The following AGBL1 variants were observed in gnomAD, a reference collection of about 807,000 sequenced individuals.
AGBL1 encodes the protein cytosolic carboxypeptidase 4.
Under a neutral mutation model 118.9 loss-of-function variants are expected in AGBL1, and 130 were observed. That is an observed-to-expected ratio of 1.09 (90% CI 0.95 to 1.26). AGBL1 has a LOEUF of 1.26. Ranked by LOEUF, AGBL1 falls within the 50% of genes most tolerant of loss-of-function variation. AGBL1 has a pLI of 0.00. For missense variants in AGBL1, 1,584 were observed against 1,298.1 expected (o/e 1.22, Z -3.38); for synonymous variants, 555 against 478.9 (o/e 1.16, Z -2.08).
chr15:86,764,187 A>T (rs1172885944), intron 22 of AGBL1, among the ~76,000 whole-genome samples: 1 of 152,022 alleles, frequency 6.6e-6, no homozygotes, highest in Non-Finnish European at 1.5e-5. Context: ...ACCTTACAAT[A>T]TACACGCTTC....
chr15:86,681,627 T>C (rs900282043), intron 22 of AGBL1, among the ~76,000 whole-genome samples: 9 of 152,250 alleles, frequency 5.9e-5, no homozygotes, highest in Non-Finnish European at 1.3e-4. Flanking sequence ...TCATTTTGAA[T>C]CATGAGAGCT....
intron 22 of AGBL1, among the ~76,000 whole-genome samples, chr15:86,858,478 G>GTT (rs2079516923): frequency 6.6e-6 from 1 of 151,784 alleles, no homozygotes; most frequent in Admixed American, 6.6e-5. Context: ...GTGTGTGTGT[G>GTT]TGTGTGTGTG....
At chr15:86,604,749 G>A (rs1203765635) in intron 21 of AGBL1, among the ~76,000 whole-genome samples, 1 of 150,142 alleles carries the variant, frequency 6.7e-6, no homozygotes, top group African/African-American at 2.4e-5. Flanking sequence ...GAATTGCAAT[G>A]ATTGCTATTT....
intron 21 of AGBL1, among the ~76,000 whole-genome samples, chr15:86,634,144 A>G (rs1438420564): frequency 1.3e-5 from 2 of 152,122 alleles, no homozygotes; most frequent in Non-Finnish European, 2.9e-5. Context: ...CACTTTGGAA[A>G]ACAGTGTGGC....
At chr15:86,126,373 C>G (rs1258526992) in intron 1 of AGBL1, among the ~76,000 whole-genome samples, 2 of 152,148 alleles carry the variant, frequency 1.3e-5, no homozygotes, top group African/African-American at 4.8e-5. Context: ...TTATTGACAA[C>G]CAAGAATCCA....
intron 13 of AGBL1, 25 bp downstream of exon 13, chr15:86,267,101 T>C (rs1597653173): frequency 3.3e-6 from 5 of 1,520,800 alleles, no homozygotes; most frequent in African/African-American, 1.4e-5. Flanking sequence ...CCACAGTGGG[T>C]GTCTCCTGTC....
intron 18 of AGBL1, among the ~76,000 whole-genome samples, chr15:86,484,947 T>G (rs1262546656): frequency 6.6e-6 from 1 of 152,182 alleles, no homozygotes; most frequent in East Asian, 1.9e-4. Context: ...CTTAGAATAC[T>G]TCACTGTATT....
chr15:86,152,520 T>C (rs1266356071), intron 3 of AGBL1, among the ~76,000 whole-genome samples: 2 of 152,182 alleles, frequency 1.3e-5, no homozygotes, highest in Admixed American at 1.3e-4. Flanking sequence ...TAATTCAAGA[T>C]GGATTGAAGA....
intron 22 of AGBL1, among the ~76,000 whole-genome samples, chr15:86,691,702 A>G (rs2086175157): frequency 6.6e-6 from 1 of 152,186 alleles, no homozygotes; most frequent in African/African-American, 2.4e-5. Flanking sequence ...ATAAAGTTTT[A>G]CTATATTAAA....
intron 22 of AGBL1, among the ~76,000 whole-genome samples, chr15:86,750,920 C>T (rs1029554939): frequency 3.9e-5 from 6 of 151,942 alleles, no homozygotes; most frequent in African/African-American, 1.2e-4. Context: ...ATTAGTTTGC[C>T]GAGGATAATG....
At chr15:86,548,050 G>T (rs1166960473) in intron 20 of AGBL1, among the ~76,000 whole-genome samples, 1 of 152,094 alleles carries the variant, frequency 6.6e-6, no homozygotes, top group Admixed American at 6.6e-5. Context: ...TGCCTAAAAA[G>T]ACTTTTGTGT....
At chr15:86,524,794 T>G (rs2083240246) in intron 19 of AGBL1, among the ~76,000 whole-genome samples, 1 of 152,116 alleles carries the variant, frequency 6.6e-6, no homozygotes, top group East Asian at 1.9e-4. Context: ...TATTTCAGAG[T>G]GTGCAGGATT....
At chr15:86,781,929 A>G (rs1206347844) in intron 22 of AGBL1, among the ~76,000 whole-genome samples, 2 of 151,938 alleles carry the variant, frequency 1.3e-5, no homozygotes, top group Non-Finnish European at 2.9e-5. Context: ...TAACAGAATC[A>G]TGGCTTTTAC....
chr15:86,738,695 T>C (rs2077636204), intron 22 of AGBL1, among the ~76,000 whole-genome samples: 1 of 152,152 alleles, frequency 6.6e-6, no homozygotes, highest in African/African-American at 2.4e-5. Flanking sequence ...GTCAAATGAA[T>C]TTGGGAAATC....
chr15:86,932,199 G>A (rs1248078790), intron 23 of AGBL1, among the ~76,000 whole-genome samples: 1 of 152,190 alleles, frequency 6.6e-6, no homozygotes, highest in Non-Finnish European at 1.5e-5. Flanking sequence ...CCCATTTGAA[G>A]AGCCCTGTTA....
rs1042702055 is a variant in AGBL1 at position 86,294,463 on chromosome 15, T to C, written c.2221-792T>C. Among the ~76,000 whole-genome samples the C allele has an allele frequency of 7.3e-5, 11 of 151,074 alleles. 1 individual carries two copies. In the South Asian group the frequency reaches 1.3e-3, roughly 17 times the overall value. ...CAGGTGTCCTAATTTCAATGGCTAT[T>C]TCATTTTTTTTTTTAAATGAGTATT... On this transcript the variant is annotated intron_variant, in intron 16 of 22. Coordinates refer to ENST00000614907, the MANE Select transcript of AGBL1 (RefSeq NM_001386094.1).
At chr15:86,499,038 C>T (rs1221727230) in intron 18 of AGBL1, among the ~76,000 whole-genome samples, 1 of 151,860 alleles carries the variant, frequency 6.6e-6, no homozygotes, top group Non-Finnish European at 1.5e-5. Flanking sequence ...AAGAGTGACA[C>T]AGATATACTT....
chr15:87,003,683 A>C (rs988200755), intron 24 of AGBL1, among the ~76,000 whole-genome samples: 3 of 152,022 alleles, frequency 2.0e-5, no homozygotes, highest in East Asian at 1.9e-4. Context: ...CAGAGATTCA[A>C]CTTCTTCCTG....
chr15:86,336,231 C>A (rs1231122955), intron 17 of AGBL1, among the ~76,000 whole-genome samples: 2 of 152,228 alleles, frequency 1.3e-5, no homozygotes, highest in Non-Finnish European at 2.9e-5. Flanking sequence ...TCTCAAACCA[C>A]AGATTCTTGC....
Sources: gnomAD v4.1 joint callset for allele counts (sites outside exome capture counted in the v4.1 genomes callset) on GRCh38, gnomAD v4.1.1 for gene constraint, MANE v1.5 for transcripts, NCBI Gene and HGNC (gene_info 2026-07-23, HGNC 2026-07-21) for gene names.